SPOCK1: variants seen among roughly 807,000 people sequenced by gnomAD.
SPOCK1 encodes SPARC (osteonectin), cwcv and kazal like domains proteoglycan 1.
A neutral mutation model predicts 55.3 loss-of-function variants in SPOCK1; 23 were observed. The observed-to-expected ratio is 0.42, with a 90% CI of 0.30 to 0.59. SPOCK1 has a LOEUF of 0.59. SPOCK1 is among the 20% of genes least tolerant of loss of function. The probability of loss-of-function intolerance (pLI) is 0.22; values close to 1 mark genes in which losing one functional copy is unlikely to be tolerated. For synonymous variants in SPOCK1, 226 were observed against 221.0 expected (o/e 1.02, Z -0.20); for missense variants, 499 against 552.5 (o/e 0.90, Z 0.97).
chr5:137,468,778 C>T (rs558938022), intron 2 of SPOCK1, among the ~76,000 whole-genome samples: 4 of 152,244 alleles, frequency 2.6e-5, no homozygotes, highest in African/African-American at 7.2e-5. Context: ...AAGTAAAAGC[C>T]ACAGGGAGAA....
At chr5:137,367,700 C>A (rs1406258258) in intron 2 of SPOCK1, among the ~76,000 whole-genome samples, 2 of 152,218 alleles carry the variant, frequency 1.3e-5, no homozygotes, top group Non-Finnish European at 1.5e-5. Context: ...CACATCCCAA[C>A]AAAGCAGCTC....
intron 2 of SPOCK1, among the ~76,000 whole-genome samples, chr5:137,475,199 C>T (rs1753812050): frequency 6.6e-6 from 1 of 152,116 alleles, no homozygotes; most frequent in South Asian, 2.1e-4. Flanking sequence ...AGAGTCCAAT[C>T]GTGAAGAAGC....
intron 2 of SPOCK1, among the ~76,000 whole-genome samples, chr5:137,338,083 T>C (rs1260662938): frequency 6.6e-6 from 1 of 152,208 alleles, no homozygotes; most frequent in African/African-American, 2.4e-5. Context: ...GCAGGTTACA[T>C]ATGTATACAT....
chr5:137,154,952 C>T (rs898651570), intron 3 of SPOCK1, among the ~76,000 whole-genome samples: 1 of 152,164 alleles, frequency 6.6e-6, no homozygotes, highest in Non-Finnish European at 1.5e-5. Flanking sequence ...ACTGACACAG[C>T]CAGTTCCAAA....
chr5:137,402,825 A>G (rs1752011041), intron 2 of SPOCK1, among the ~76,000 whole-genome samples: 1 of 152,254 alleles, frequency 6.6e-6, no homozygotes, highest in East Asian at 1.9e-4. Flanking sequence ...GATCCTACAC[A>G]GTGCAGATGA....
chr5:137,445,710 T>C (rs1753111364), intron 2 of SPOCK1, among the ~76,000 whole-genome samples: 1 of 152,154 alleles, frequency 6.6e-6, no homozygotes, highest in Admixed American at 6.6e-5. Context: ...AGTTCAGAAG[T>C]TGACTTTGGC....
At chr5:137,162,689 G>A (rs1438945640) in intron 3 of SPOCK1, among the ~76,000 whole-genome samples, 1 of 152,142 alleles carries the variant, frequency 6.6e-6, no homozygotes, top group African/African-American at 2.4e-5. Flanking sequence ...AATGTCTGTA[G>A]TTATAAAGTC....
At chr5:137,217,377 G>A (rs1400311694) in intron 3 of SPOCK1, among the ~76,000 whole-genome samples, 1 of 152,186 alleles carries the variant, frequency 6.6e-6, no homozygotes, top group Non-Finnish European at 1.5e-5. Flanking sequence ...AGAATGTGCT[G>A]GAGTCTGAGA....
intron 5 of SPOCK1, among the ~76,000 whole-genome samples, chr5:137,086,174 C>T (rs1270864865): frequency 6.6e-6 from 1 of 152,182 alleles, no homozygotes; most frequent in Non-Finnish European, 1.5e-5. Context: ...TCTGCCTGAG[C>T]TCTGGGGCTC....
intron 6 of SPOCK1, among the ~76,000 whole-genome samples, chr5:137,012,635 A>G (rs895079778): frequency 6.6e-6 from 1 of 152,156 alleles, no homozygotes; most frequent in African/African-American, 2.4e-5. Flanking sequence ...AGAAGGTTCT[A>G]TAATAGTTAA....
intron 2 of SPOCK1, among the ~76,000 whole-genome samples, chr5:137,435,417 T>C (rs1442482364): frequency 1.3e-5 from 2 of 152,168 alleles, no homozygotes; most frequent in East Asian, 3.8e-4. Context: ...ACTCTTTTCT[T>C]TCCTTTCCAA....
intron 2 of SPOCK1, among the ~76,000 whole-genome samples, chr5:137,411,575 G>C (rs763110945): frequency 1.3e-5 from 2 of 152,200 alleles, no homozygotes; most frequent in Non-Finnish European, 2.9e-5. Flanking sequence ...GTTCTGGAAT[G>C]CACCTTGGAC....
chr5:137,444,142 T>C (rs1753073882), intron 2 of SPOCK1, among the ~76,000 whole-genome samples: 2 of 152,088 alleles, frequency 1.3e-5, no homozygotes, highest in African/African-American at 4.8e-5. Flanking sequence ...CCTTTCTCTC[T>C]CAAATGCAAT....
At chr5:137,220,540 C>T (rs1389072811) in intron 3 of SPOCK1, among the ~76,000 whole-genome samples, 1 of 152,180 alleles carries the variant, frequency 6.6e-6, no homozygotes, top group Admixed American at 6.5e-5. Context: ...AACCACATCA[C>T]ATAGGATGTA....
intron 3 of SPOCK1, among the ~76,000 whole-genome samples, chr5:137,255,108 G>C (rs1243229585): frequency 6.6e-6 from 1 of 152,166 alleles, no homozygotes; most frequent in Non-Finnish European, 1.5e-5. Context: ...CTGTACTTTG[G>C]CACTAAGCAT....
intron 2 of SPOCK1, among the ~76,000 whole-genome samples, chr5:137,474,914 AGGACCAT>A (rs1165560979): frequency 1.3e-5 from 2 of 152,244 alleles, no homozygotes; most frequent in African/African-American, 2.4e-5. Flanking sequence ...ACTATAGGAA[AGGACCAT>A]TAATGCATGC....
Position 137,222,748 on chromosome 5 carries a change from A to G in SPOCK1, c.232+44262T>C, listed in dbSNP as rs200983429. 3.9e-5 allele frequency among the ~76,000 whole-genome samples: 6 copies of G among 152,358 alleles called. No homozygotes were observed. The East Asian group carries it at 1.2e-3, about 29-fold the overall frequency. On this transcript the variant is annotated intron_variant, in intron 3 of 10. Transcript: ENST00000394945. ...TTCAACACAAATTAATTGAGCACCT[A>G]CTGTGCTCCATGTACTCCTTTTGAC...
chr5:137,212,779 T>A (rs1755641882), intron 3 of SPOCK1, among the ~76,000 whole-genome samples: 1 of 152,248 alleles, frequency 6.6e-6, no homozygotes, highest in African/African-American at 2.4e-5. Context: ...GAAGCTGAGC[T>A]TCCTTGCAGT....
intron 5 of SPOCK1, among the ~76,000 whole-genome samples, chr5:137,112,057 C>T (rs1330067680): frequency 6.6e-6 from 1 of 152,110 alleles, no homozygotes; most frequent in Non-Finnish European, 1.5e-5. Flanking sequence ...TTCCACTGCA[C>T]TGGCACAAGG....
Sources: gnomAD v4.1 joint callset for allele counts (sites outside exome capture counted in the v4.1 genomes callset) on GRCh38, gnomAD v4.1.1 for gene constraint, MANE v1.5 for transcripts, NCBI Gene and HGNC (gene_info 2026-07-23, HGNC 2026-07-21) for gene names.